The following KANSL3 variants were observed in gnomAD, a reference collection of about 807,000 sequenced individuals.
KANSL3 encodes KAT8 regulatory NSL complex subunit 3.
A neutral mutation model predicts 89.2 loss-of-function variants in KANSL3; 16 were observed. The ratio of observed to expected loss-of-function variants is 0.18; its 90% CI spans 0.12 to 0.27. KANSL3 has a LOEUF of 0.27. KANSL3 is among the 10% of genes least tolerant of loss of function. The pLI is 1.00. For synonymous variants in KANSL3, 385 were observed against 419.7 expected (o/e 0.92, Z 1.01); for missense variants, 879 against 1,110.6 (o/e 0.79, Z 2.96).
chr2:96,615,898 C>T (rs941837446), intron 5 of KANSL3, among the ~76,000 whole-genome samples: 5 of 152,176 alleles, frequency 3.3e-5, no homozygotes, highest in African/African-American at 1.2e-4. Context: ...AGACCGATAA[C>T]TGCCATGAAA....
At chr2:96,612,747 A>T (rs1374335255) in intron 7 of KANSL3, 71 bp downstream of exon 7, 1 of 1,326,852 alleles carries the variant, frequency 7.5e-7, no homozygotes, top group Non-Finnish European at 1.1e-6. Flanking sequence ...CTCCTCCCAC[A>T]TATTCTTCTC....
At chr2:96,610,566 C>T in intron 11 of KANSL3, 160 bp downstream of exon 11, 1 of 645,350 alleles carries the variant, frequency 1.5e-6, no homozygotes, top group Non-Finnish European at 2.6e-6. Context: ...CCGCCTGCCT[C>T]AGCCTCCCAA....
At chr2:96,598,997 C>A (rs1265723151) in intron 20 of KANSL3, among the ~76,000 whole-genome samples, 1 of 141,582 alleles carries the variant, frequency 7.1e-6, no homozygotes, top group Non-Finnish European at 1.5e-5. Flanking sequence ...AAATTCAAAA[C>A]TATCATGAGA....
At chr2:96,608,430 A>G in intron 14 of KANSL3, 78 bp downstream of exon 14, 3 of 1,465,300 alleles carry the variant, frequency 2.0e-6, no homozygotes, top group Middle Eastern at 2.1e-4. Flanking sequence ...AGCCATAGAT[A>G]TCAATACTGT....
chr2:96,604,077 A>G (rs1396046124), intron 17 of KANSL3, 173 bp downstream of exon 17: 3 of 611,688 alleles, frequency 4.9e-6, no homozygotes, highest in African/African-American at 1.9e-5. Flanking sequence ...TTCAAGGCCA[A>G]GGAATCCCTC....
intron 20 of KANSL3, chr2:96,598,110 G>A: frequency 1.0e-6 from 1 of 985,394 alleles, no homozygotes; most frequent in Non-Finnish European, 1.2e-6. Context: ...TCACGTGGCA[G>A]GATCTGTGTT....
At chr2:96,637,848 G>A (rs2074467662) in intron 1 of KANSL3, 1 of 152,338 alleles carries the variant, frequency 6.6e-6, no homozygotes. Context: ...CACCCCCAGT[G>A]AGGCGTCCCT....
intron 19 of KANSL3, 55 bp downstream of exon 19, chr2:96,602,061 C>A: frequency 6.7e-7 from 1 of 1,494,512 alleles, no homozygotes; most frequent in Non-Finnish European, 9.1e-7. Context: ...ATGGGAAGGT[C>A]CTGGGGGAAA....
Position 96,602,215 on chromosome 2 carries a change from C to A in KANSL3, c.2383G>T (p.Gly795Trp). 1 of 1,609,620 alleles carries A rather than the reference C, an allele frequency of 6.2e-7. No homozygotes were observed. Residue 795 changes from glycine (G) to tryptophan (W), a missense_variant, in exon 19 of 21, where the codon GGG (glycine) becomes TGG (tryptophan). By Grantham distance (184) the Gly-to-Trp change is radical (BLOSUM62 -2). Transcript: ENST00000431828. ...TLSSLGATPG[G>W]KPTAIHQLLT... ...AGCTGGTGGATGGCTGTGGGCTTCCCACCAGGAGTGGCACCCAAGGAGGAG... is the reference window on the plus strand; with the variant it reads ...AGCTGGTGGATGGCTGTGGGCTTCCAACCAGGAGTGGCACCCAAGGAGGAG...
At chr2:96,597,982 C>T in intron 20 of KANSL3, 1 of 393,686 alleles carries the variant, frequency 2.5e-6, no homozygotes, top group Non-Finnish European at 3.5e-6. Flanking sequence ...TTATTCTGTG[C>T]TTCAACTGAG....
chr2:96,621,440 G>A (rs539919714), intron 3 of KANSL3, among the ~76,000 whole-genome samples: 1 of 152,092 alleles, frequency 6.6e-6, no homozygotes, highest in African/African-American at 2.4e-5. Flanking sequence ...CTTGAATCCA[G>A]GAGGCAGAGG....
At chr2:96,613,439 G>A (rs763383854) in intron 6 of KANSL3, 49 bp downstream of exon 6, 2 of 1,531,972 alleles carry the variant, frequency 1.3e-6, no homozygotes, top group Admixed American at 1.9e-5. Context: ...TAAGGCTTGA[G>A]TCTAAAATTT....
intron 2 of KANSL3, 82 bp downstream of exon 2, chr2:96,636,839 A>T: frequency 1.7e-6 from 2 of 1,177,772 alleles, no homozygotes; most frequent in Non-Finnish European, 2.3e-6. Context: ...TCCCCCAGTC[A>T]ATCCTGAGAA....
At chr2:96,590,108 G>T (rs1046358890), downstream of KANSL3, among the ~76,000 whole-genome samples, 1 of 152,036 alleles carries the variant, frequency 6.6e-6, no homozygotes, top group African/African-American at 2.4e-5. Context: ...AGTGAGCCAA[G>T]ATTGCGCATT....
chr2:96,583,464 A>G, the KANSL3 span, among the ~76,000 whole-genome samples: 6 of 152,322 alleles, frequency 3.9e-5, no homozygotes, highest in East Asian at 1.2e-3. Flanking sequence ...TCTGACTTCT[A>G]TAACCGCAGA....
At chr2:96,634,365 T>TC (rs2073942996) in intron 2 of KANSL3, among the ~76,000 whole-genome samples, 1 of 152,070 alleles carries the variant, frequency 6.6e-6, no homozygotes, top group Admixed American at 6.6e-5. Context: ...CTACTAAAAA[T>TC]ATTAGCCAGG....
chr2:96,634,780 T>C (rs2074015339), intron 2 of KANSL3, among the ~76,000 whole-genome samples: 1 of 152,222 alleles, frequency 6.6e-6, no homozygotes. Context: ...GATTATCTTC[T>C]CCAGGCCAGA....
intron 3 of KANSL3, among the ~76,000 whole-genome samples, chr2:96,623,529 T>C (rs2071710714): frequency 6.6e-6 from 1 of 152,218 alleles, no homozygotes; most frequent in Non-Finnish European, 1.5e-5. Flanking sequence ...TAAATGTCCC[T>C]GGATAGAGCA....
intron 20 of KANSL3, among the ~76,000 whole-genome samples, chr2:96,598,887 G>A (rs1573265784): frequency 2.1e-5 from 3 of 140,932 alleles, no homozygotes; most frequent in African/African-American, 7.9e-5. Flanking sequence ...TCCAGCCTGG[G>A]TGACAAGAGT....
Sources: allele counts gnomAD v4.1 joint callset (sites outside exome capture counted in the v4.1 genomes callset), GRCh38; gene constraint gnomAD v4.1.1; transcripts MANE v1.5; gene names NCBI Gene and HGNC (gene_info 2026-07-23, HGNC 2026-07-21).